The following BRINP3 variants were observed in gnomAD, a reference collection of about 807,000 sequenced individuals.
The protein encoded by BRINP3 is BMP/retinoic acid inducible neural specific 3.
BRINP3 carries 19 observed loss-of-function variants against 71.0 expected under a neutral mutation model. The observed-to-expected ratio is 0.27, with a 90% CI of 0.19 to 0.39. The LOEUF is 0.39. BRINP3 is among the 10% of genes least tolerant of loss of function. The probability of loss-of-function intolerance (pLI) is 1.00; values close to 1 mark genes in which losing one functional copy is unlikely to be tolerated. For missense variants in BRINP3, 959 were observed against 940.8 expected (o/e 1.02, Z -0.25); for synonymous variants, 380 against 337.7 (o/e 1.13, Z -1.37).
chr1:190,232,719 TG>T (rs1285357788), intron 5 of BRINP3, among the ~76,000 whole-genome samples: 1 of 152,144 alleles, frequency 6.6e-6, no homozygotes, highest in African/African-American at 2.4e-5. Context: ...TTTAATATTT[TG>T]AAAACTGAAC....
chr1:190,327,429 A>G (rs1442192687), intron 2 of BRINP3, among the ~76,000 whole-genome samples: 5 of 145,572 alleles, frequency 3.4e-5, no homozygotes, highest in South Asian at 4.4e-4. Context: ...CTCACACATA[A>G]TAACAACCAT....
At chr1:190,199,209 T>A (rs1654770184) in intron 6 of BRINP3, among the ~76,000 whole-genome samples, 1 of 152,092 alleles carries the variant, frequency 6.6e-6, no homozygotes. Context: ...TCCCACTGGG[T>A]CCCTCCCATG....
At chr1:190,472,596 T>G (rs1677207750) in intron 1 of BRINP3, among the ~76,000 whole-genome samples, 1 of 151,696 alleles carries the variant, frequency 6.6e-6, no homozygotes, top group South Asian at 2.1e-4. Flanking sequence ...AGTAAATAAC[T>G]GCCTCTTTTA....
intron 4 of BRINP3, among the ~76,000 whole-genome samples, chr1:190,238,591 C>T (rs1658750866): frequency 6.6e-6 from 1 of 152,122 alleles, no homozygotes; most frequent in Admixed American, 6.6e-5. Flanking sequence ...AAACTACTAT[C>T]CATTCACCAG....
intron 2 of BRINP3, among the ~76,000 whole-genome samples, chr1:190,341,928 C>A (rs546950097): frequency 1.3e-5 from 2 of 151,794 alleles, no homozygotes; most frequent in South Asian, 4.1e-4. Flanking sequence ...AGTCAGAAGT[C>A]TGATGGATGT....
intron 2 of BRINP3, among the ~76,000 whole-genome samples, chr1:190,339,520 C>T (rs1188915062): frequency 6.6e-6 from 1 of 151,858 alleles, no homozygotes; most frequent in African/African-American, 2.4e-5. Context: ...AGATAAATTA[C>T]GTTAAACCAG....
At position 190,472,292 on chromosome 1, in the gene BRINP3, A is replaced by T. The variant is rs573915215; in HGVS notation, c.-51+5156T>A. Reference sequence around the variant, plus strand: ...CCAGGTAGAACTAGAACTGAAATTCAGGAAGGAAGTCTACGTGTACAAGCA... The same window carrying T: ...CCAGGTAGAACTAGAACTGAAATTCTGGAAGGAAGTCTACGTGTACAAGCA... On this transcript the variant is annotated intron_variant, in intron 1 of 7. Coordinates refer to ENST00000367462, the MANE Select transcript of BRINP3 (RefSeq NM_199051.3). Among the ~76,000 whole-genome samples, 91 of 151,754 alleles carry T rather than the reference A, an allele frequency of 6.0e-4. 1 individual carries two copies. The highest frequency in any genetic ancestry group is 2.1e-3 in the African/African-American group (88 of 41,524).
intron 2 of BRINP3, among the ~76,000 whole-genome samples, chr1:190,453,381 C>G (rs1190132640): frequency 1.3e-5 from 2 of 151,374 alleles, no homozygotes; most frequent in Non-Finnish European, 2.9e-5. Flanking sequence ...CCACCACGCC[C>G]GGCTAATTTT....
intron 1 of BRINP3, among the ~76,000 whole-genome samples, chr1:190,467,090 A>G (rs1676808047): frequency 6.6e-6 from 1 of 151,502 alleles, no homozygotes; most frequent in Admixed American, 6.6e-5. Flanking sequence ...TACATAGAAA[A>G]TGCATTATTC....
intron 6 of BRINP3, among the ~76,000 whole-genome samples, chr1:190,186,480 C>A (rs780196404): frequency 6.6e-6 from 1 of 151,950 alleles, no homozygotes; most frequent in African/African-American, 2.4e-5. Flanking sequence ...ATTTAAAATA[C>A]GAAAATAAAG....
chr1:190,277,841 A>G (rs1032090883), intron 3 of BRINP3, among the ~76,000 whole-genome samples: 2 of 151,756 alleles, frequency 1.3e-5, no homozygotes, highest in South Asian at 2.1e-4. Flanking sequence ...TAGATATTCA[A>G]ACAGTGATGG....
intron 1 of BRINP3, among the ~76,000 whole-genome samples, chr1:190,458,592 T>C (rs1676168257): frequency 6.6e-6 from 1 of 152,008 alleles, no homozygotes; most frequent in African/African-American, 2.4e-5. Context: ...ATTGGTTGCT[T>C]TATTTGGTTT....
At chr1:190,263,813 C>T (rs1468999738) in intron 4 of BRINP3, among the ~76,000 whole-genome samples, 2 of 151,958 alleles carry the variant, frequency 1.3e-5, no homozygotes, top group African/African-American at 4.8e-5. Context: ...GTCTCGATCT[C>T]CCGACCTCAA....
intron 6 of BRINP3, among the ~76,000 whole-genome samples, chr1:190,207,055 T>A (rs985648293): frequency 2.8e-4 from 43 of 151,836 alleles, no homozygotes; most frequent in Middle Eastern, 3.4e-3. Flanking sequence ...AAGAGTGATG[T>A]TAATATTAGA....
chr1:190,213,537 G>T (rs992413536), intron 6 of BRINP3, among the ~76,000 whole-genome samples: 2 of 152,126 alleles, frequency 1.3e-5, no homozygotes, highest in South Asian at 4.1e-4. Flanking sequence ...CTTCTCAACT[G>T]CCAGTAATAA....
chr1:190,214,239 G>A (rs1656220567), intron 6 of BRINP3, among the ~76,000 whole-genome samples: 1 of 152,058 alleles, frequency 6.6e-6, no homozygotes, highest in Non-Finnish European at 1.5e-5. Context: ...TTATAGTTAA[G>A]CTGAGAAATT....
intron 4 of BRINP3, among the ~76,000 whole-genome samples, chr1:190,256,707 C>A (rs950786971): frequency 2.0e-5 from 3 of 152,036 alleles, no homozygotes; most frequent in African/African-American, 7.2e-5. Context: ...TCACCATTTG[C>A]TTGTCTGTAA....
chr1:190,444,527 A>T (rs936904425), intron 2 of BRINP3, among the ~76,000 whole-genome samples: 59 of 151,430 alleles, frequency 3.9e-4, no homozygotes, highest in Admixed American at 1.2e-3. Context: ...ATTTATTTTT[A>T]TTTATTTTTT....
At chr1:190,326,757 T>G (rs1307594363) in intron 2 of BRINP3, among the ~76,000 whole-genome samples, 2 of 152,000 alleles carry the variant, frequency 1.3e-5, no homozygotes, top group African/African-American at 4.8e-5. Flanking sequence ...AGCACTAAAA[T>G]AATCTGTTAC....
Sources: allele counts gnomAD v4.1 joint callset (sites outside exome capture counted in the v4.1 genomes callset), GRCh38; gene constraint gnomAD v4.1.1; transcripts MANE v1.5; gene names NCBI Gene and HGNC (gene_info 2026-07-23, HGNC 2026-07-21).